The following MACROD2 variants were observed in gnomAD, a reference collection of about 807,000 sequenced individuals.
The protein encoded by MACROD2 is ADP-ribose glycohydrolase MACROD2.
Under a neutral mutation model 70.4 loss-of-function variants are expected in MACROD2, and 36 were observed. The observed-to-expected ratio is 0.51, with a 90% CI of 0.39 to 0.68. The LOEUF (loss-of-function observed/expected upper bound fraction) is 0.68. Among genes scored for constraint, MACROD2 ranks in the 30% least tolerant of loss-of-function variants. The probability of loss-of-function intolerance (pLI) is 0.00; values close to 1 mark genes in which losing one functional copy is unlikely to be tolerated. For synonymous variants in MACROD2, 172 were observed against 178.8 expected (o/e 0.96, Z 0.30); for missense variants, 496 against 538.4 (o/e 0.92, Z 0.78).
chr20:15,690,808 T>A (rs1008513549), intron 8 of MACROD2, among the ~76,000 whole-genome samples: 2 of 152,186 alleles, frequency 1.3e-5, no homozygotes, highest in Non-Finnish European at 1.5e-5. Flanking sequence ...CCATCTCTCC[T>A]CTTTTCCCTG....
chr20:14,052,901 C>A (rs2053586661), intron 2 of MACROD2, among the ~76,000 whole-genome samples: 1 of 152,044 alleles, frequency 6.6e-6, no homozygotes, highest in African/African-American at 2.4e-5. Context: ...TTGGAACTTA[C>A]TCCTGTAACA....
chr20:15,693,665 T>C (rs187905294), intron 8 of MACROD2, among the ~76,000 whole-genome samples: 1 of 152,350 alleles, frequency 6.6e-6, no homozygotes, highest in East Asian at 1.9e-4. Flanking sequence ...CACTGATTTC[T>C]TTCCTACAGG....
At chr20:15,908,219 T>C (rs917524568) in intron 10 of MACROD2, among the ~76,000 whole-genome samples, 7 of 152,142 alleles carry the variant, frequency 4.6e-5, no homozygotes, top group African/African-American at 1.7e-4. Context: ...TTAAGGGAGA[T>C]TGGAGAATGG....
chr20:15,871,620 A>G (rs1468390854), intron 9 of MACROD2, among the ~76,000 whole-genome samples: 2 of 152,224 alleles, frequency 1.3e-5, no homozygotes, highest in African/African-American at 4.8e-5. Context: ...TATGAGGACC[A>G]GATTGATTGG....
At chr20:15,650,841 C>T (rs2049632118) in intron 8 of MACROD2, among the ~76,000 whole-genome samples, 2 of 152,126 alleles carry the variant, frequency 1.3e-5, no homozygotes, top group African/African-American at 4.8e-5. Context: ...GCTTGCCATT[C>T]CACACCTTTT....
chr20:15,298,753 G>A (rs2077614491), intron 6 of MACROD2, among the ~76,000 whole-genome samples: 2 of 152,122 alleles, frequency 1.3e-5, no homozygotes, highest in African/African-American at 2.4e-5. Context: ...TATTTATGGG[G>A]TGCAGTCATG....
chr20:14,446,217 T>C (rs922045807), intron 3 of MACROD2, among the ~76,000 whole-genome samples: 5 of 151,984 alleles, frequency 3.3e-5, no homozygotes, highest in African/African-American at 1.2e-4. Flanking sequence ...TGGTGTTGGA[T>C]GGAATCATAA....
intron 8 of MACROD2, among the ~76,000 whole-genome samples, chr20:15,720,752 A>C (rs1355917172): frequency 1.3e-5 from 2 of 152,194 alleles, no homozygotes; most frequent in African/African-American, 2.4e-5. Context: ...CCAAAGGGAC[A>C]AAAATTCTGG....
chr20:15,504,382 A>T (rs1444407683), intron 8 of MACROD2, among the ~76,000 whole-genome samples: 1 of 152,212 alleles, frequency 6.6e-6, no homozygotes, highest in Non-Finnish European at 1.5e-5. Flanking sequence ...AAGAAAAGAA[A>T]AAAAGGAGCA....
intron 5 of MACROD2, among the ~76,000 whole-genome samples, chr20:14,975,962 A>G (rs1172431736): frequency 2.6e-5 from 4 of 152,144 alleles, no homozygotes; most frequent in African/African-American, 9.7e-5. Flanking sequence ...CGGAATTAAC[A>G]GGCTCAGGAA....
intron 4 of MACROD2, among the ~76,000 whole-genome samples, chr20:14,660,527 A>AT (rs1986174211): frequency 6.6e-6 from 1 of 152,112 alleles, no homozygotes; most frequent in Non-Finnish European, 1.5e-5. Context: ...ATTTTTCTAA[A>AT]TTTTTTTGCA....
Position 15,967,625 on chromosome 20 carries a change from C to G in MACROD2, c.980C>G (p.Pro327Arg), listed in dbSNP as rs2066161302. ...CATTCTGTGCGTGACCAAGATCATCCCGATGGTAGGTTGTGAAATCCTTTA... is the reference window on the plus strand; with the variant it reads ...CATTCTGTGCGTGACCAAGATCATCGCGATGGTAGGTTGTGAAATCCTTTA... Reference protein sequence around the residue: ...TDHSVRDQDHPDGQENDSTKN... With the variant: ...TDHSVRDQDHRDGQENDSTKN... The change falls in exon 13 of 18, where the codon CCC becomes CGC. Residue 327 changes from proline to arginine, a missense_variant. By Grantham distance (103) the Pro-to-Arg change is moderately radical. Coordinates refer to ENST00000684519, the MANE Select transcript of MACROD2 (RefSeq NM_001351661.2). The G allele has an allele frequency of 6.3e-7, 1 of 1,596,300 alleles. No individual in the cohort carries two copies. Among genetic ancestry groups the G allele is most frequent in the Non-Finnish European group, 8.5e-7 (1 of 1,171,684 alleles).
In MACROD2 at chr20:15,745,628, A is replaced by C. The variant is rs149748941; in HGVS notation, c.646-117117A>C. Reference sequence around the variant, plus strand: ...CGTTTTGAATTTATTAATCTTTTTTATGTTTAACACTTAAAAGTATTTTCC... The same window carrying C: ...CGTTTTGAATTTATTAATCTTTTTTCTGTTTAACACTTAAAAGTATTTTCC... On this transcript the variant is annotated intron_variant, in intron 8 of 17. Transcript: ENST00000684519. Among the ~76,000 whole-genome samples the C allele has an allele frequency of 4.1e-3, 626 of 152,150 alleles. 3 individuals are homozygous for C. Among genetic ancestry groups the C allele is most frequent in the African/African-American group, 0.014 (600 of 41,518 alleles).
At chr20:16,007,321 G>T (rs551353198) in intron 15 of MACROD2, among the ~76,000 whole-genome samples, 2 of 152,316 alleles carry the variant, frequency 1.3e-5, no homozygotes, top group South Asian at 4.1e-4. Context: ...CCCAGCCAAC[G>T]TGGCAGTTCT....
At chr20:15,552,216 T>A (rs1406119275) in intron 8 of MACROD2, 1 of 152,200 alleles carries the variant, frequency 6.6e-6, no homozygotes, top group African/African-American at 2.4e-5. Context: ...TTTGGTGTAT[T>A]CTTCAGCTTG....
intron 5 of MACROD2, among the ~76,000 whole-genome samples, chr20:15,017,466 G>T (rs771091596): frequency 6.6e-6 from 1 of 152,170 alleles, no homozygotes; most frequent in Admixed American, 6.5e-5. Flanking sequence ...GGCTTTTCCA[G>T]GTTCACAGTG....
intron 4 of MACROD2, chr20:14,626,881 G>C (rs1984199647): frequency 6.6e-6 from 1 of 152,238 alleles, no homozygotes; most frequent in Non-Finnish European, 1.5e-5. Flanking sequence ...TCCCCTTCTA[G>C]ACGAGGGTCT....
intron 3 of MACROD2, among the ~76,000 whole-genome samples, chr20:14,438,885 T>C (rs2084088899): frequency 6.6e-6 from 1 of 152,178 alleles, no homozygotes; most frequent in South Asian, 2.1e-4. Flanking sequence ...TTGTTTCCTT[T>C]GCTGTGCAGA....
At chr20:14,671,539 T>G (rs2070794580) in intron 4 of MACROD2, among the ~76,000 whole-genome samples, 1 of 152,186 alleles carries the variant, frequency 6.6e-6, no homozygotes, top group African/African-American at 2.4e-5. Flanking sequence ...GAGAAGCATC[T>G]CTTGGTTTTT....
Sources: gnomAD v4.1 joint callset for allele counts (sites outside exome capture counted in the v4.1 genomes callset) on GRCh38, gnomAD v4.1.1 for gene constraint, MANE v1.5 for transcripts, NCBI Gene and HGNC (gene_info 2026-07-23, HGNC 2026-07-21) for gene names.